Variants in MEGF11 observed in about 807,000 individuals in gnomAD.
MEGF11 encodes multiple EGF like domains 11.
A neutral mutation model predicts 146.6 loss-of-function variants in MEGF11; 126 were observed. The observed-to-expected ratio is 0.86, with a 90% CI of 0.74 to 1.00. The LOEUF (loss-of-function observed/expected upper bound fraction) is 1.00, where lower values mean the gene tolerates loss of function less well. MEGF11 is among the 50% of genes least tolerant of loss of function. The probability of loss-of-function intolerance (pLI) is 0.00; values close to 1 mark genes in which losing one functional copy is unlikely to be tolerated. For synonymous variants in MEGF11, 532 were observed against 583.4 expected, an observed-to-expected ratio of 0.91 and a Z score of 1.27; for missense variants, 1,509 against 1,521.2, an observed-to-expected ratio of 0.99 and a Z score of 0.13.
chr15:66,244,773 A>G (rs1477069193), intron 1 of MEGF11, among the ~76,000 whole-genome samples: 1 of 152,172 alleles, frequency 6.6e-6, no homozygotes, highest in Non-Finnish European at 1.5e-5. Flanking sequence ...TGAGGTGAAG[A>G]AAAAAGGGTG....
At chr15:66,204,482 T>C (rs1448715192) in intron 1 of MEGF11, among the ~76,000 whole-genome samples, 3 of 152,168 alleles carry the variant, frequency 2.0e-5, no homozygotes, top group Admixed American at 6.5e-5. Context: ...GTGATACCAG[T>C]AGCAAACCTA....
At chr15:66,235,730 A>G (rs1371162897) in intron 1 of MEGF11, among the ~76,000 whole-genome samples, 3 of 152,084 alleles carry the variant, frequency 2.0e-5, no homozygotes, top group African/African-American at 7.2e-5. Flanking sequence ...AGGATCCTGG[A>G]AGCGTCCCAA....
At chr15:66,175,171 A>T (rs1378503620) in intron 1 of MEGF11, among the ~76,000 whole-genome samples, 1 of 152,140 alleles carries the variant, frequency 6.6e-6, no homozygotes, top group East Asian at 1.9e-4. Context: ...CCTGTTTTCC[A>T]ATTTGGATGC....
intron 5 of MEGF11, among the ~76,000 whole-genome samples, chr15:66,083,317 T>C (rs2085974901): frequency 6.6e-6 from 1 of 152,270 alleles, no homozygotes. Context: ...CTTAAGGAAA[T>C]GTTTAAATTA....
In MEGF11 at chr15:66,230,104, C is replaced by T. The variant is rs144634662; in HGVS notation, c.-9+23501G>A. Among the ~76,000 whole-genome samples the T allele has an allele frequency of 3.9e-4, 59 of 152,272 alleles. 2 individuals are homozygous for T. The highest frequency in any genetic ancestry group is 1.3e-3 in the African/African-American group (53 of 41,556). On this transcript the variant is annotated intron_variant, in intron 1 of 25. Coordinates refer to ENST00000395614, the MANE Select transcript of MEGF11 (RefSeq NM_001385028.1). The stretch of plus-strand genomic sequence containing the variant: ...CACTAGGGTTTAGGCGGCTGTGTCC[C>T]GGAAAGGGCATCTCATCCCTCCAGC...
chr15:66,163,425 G>A (rs2090009251), intron 1 of MEGF11, among the ~76,000 whole-genome samples: 1 of 152,122 alleles, frequency 6.6e-6, no homozygotes, highest in Non-Finnish European at 1.5e-5. Context: ...GTGGAGGAGC[G>A]CTCCAGTGAT....
At chr15:65,965,722 G>A (rs2081070861) in intron 8 of MEGF11, among the ~76,000 whole-genome samples, 1 of 150,260 alleles carries the variant, frequency 6.7e-6, no homozygotes, top group Non-Finnish European at 1.5e-5. Flanking sequence ...CAAACCTGTC[G>A]GCCCCTTGAT....
intron 1 of MEGF11, among the ~76,000 whole-genome samples, chr15:66,186,294 G>C (rs922924288): frequency 1.3e-5 from 2 of 152,166 alleles, no homozygotes; most frequent in Admixed American, 1.3e-4. Context: ...TGGAAGAAGA[G>C]CAGTTTTTGG....
intron 1 of MEGF11, among the ~76,000 whole-genome samples, chr15:66,156,930 C>T (rs2089780177): frequency 6.6e-6 from 1 of 152,146 alleles, no homozygotes; most frequent in Admixed American, 6.5e-5. Flanking sequence ...TCCCACCGGC[C>T]TTGGAACCCT....
intron 1 of MEGF11, among the ~76,000 whole-genome samples, chr15:66,201,671 C>T (rs188434940): frequency 1.8e-4 from 27 of 151,228 alleles, no homozygotes; most frequent in Non-Finnish European, 3.7e-4. Context: ...TACGGTGGCT[C>T]ATGCCTGTAA....
At chr15:66,043,459 C>T (rs1331712144) in intron 5 of MEGF11, among the ~76,000 whole-genome samples, 1 of 152,274 alleles carries the variant, frequency 6.6e-6, no homozygotes, top group African/African-American at 2.4e-5. Flanking sequence ...TAATACCACA[C>T]TGCGTGGCCC....
intron 5 of MEGF11, among the ~76,000 whole-genome samples, chr15:66,072,627 T>A (rs529995293): frequency 6.6e-6 from 1 of 152,348 alleles, no homozygotes; most frequent in Non-Finnish European, 1.5e-5. Flanking sequence ...AATGAATGAA[T>A]GTAATCAGTG....
At chr15:66,116,921 G>C (rs971160100) in intron 4 of MEGF11, among the ~76,000 whole-genome samples, 4 of 152,200 alleles carry the variant, frequency 2.6e-5, no homozygotes, top group Admixed American at 2.6e-4. Context: ...GCCTGCCCAA[G>C]CCATCCAAGT....
intron 10 of MEGF11, among the ~76,000 whole-genome samples, chr15:65,955,115 T>C (rs1185750942): frequency 1.3e-5 from 2 of 152,190 alleles, no homozygotes; most frequent in Non-Finnish European, 2.9e-5. Context: ...GTCCTACAGC[T>C]ATGCTAGAAG....
intron 1 of MEGF11, among the ~76,000 whole-genome samples, chr15:66,163,754 C>T (rs2090018229): frequency 6.6e-6 from 1 of 152,224 alleles, no homozygotes; most frequent in South Asian, 2.1e-4. Context: ...TCCGTCCTGG[C>T]TGTGCAGTGC....
At chr15:66,058,602 G>T (rs1641021955) in intron 5 of MEGF11, among the ~76,000 whole-genome samples, 1 of 152,128 alleles carries the variant, frequency 6.6e-6, no homozygotes, top group Non-Finnish European at 1.5e-5. Context: ...ACTTCCCCCA[G>T]ATTCCCCCTC....
rs147796153 is a variant in MEGF11 at position 65,904,032 on chromosome 15, T to C, written c.3055+2053A>G. ...TCAGATATATGATTCTACACAATAG[T>C]AATGAAATGTATGCTGAGGCAGAGA... On this transcript the variant is annotated intron_variant, in intron 24 of 25. Transcript: ENST00000395614. 3.4e-3 allele frequency among the ~76,000 whole-genome samples: 520 copies of C among 152,342 alleles called. 2 individuals are homozygous for C. Among genetic ancestry groups the C allele is most frequent in the Middle Eastern group, 0.014 (4 of 294 alleles).
At chr15:65,961,675 T>C (rs1457245875) in intron 9 of MEGF11, among the ~76,000 whole-genome samples, 2 of 152,216 alleles carry the variant, frequency 1.3e-5, no homozygotes, top group Non-Finnish European at 2.9e-5. Flanking sequence ...TCAATCTCTG[T>C]GCAGCAGCCT....
rs1567145132 is a variant in MEGF11, at chr15:65,898,056, TA to T, written c.3300del (p.His1100GlnfsTer27). On this transcript the variant is annotated frameshift_variant, in exon 26 of 26. Transcript: ENST00000395614. LOFTEE classifies it high-confidence loss of function. ...TVSVVQEGCG[H>X]NSSYIQNAYD... ...TATGCATTCTGGATATAGCTGGAGT[TA>T]TGACCGCAACCTTCTTGGACCACAC... 1 of 1,613,972 alleles carries T rather than the reference TA, an allele frequency of 6.2e-7. No individual in the cohort carries two copies.
Sources: allele counts gnomAD v4.1 joint callset (sites outside exome capture counted in the v4.1 genomes callset), GRCh38; gene constraint gnomAD v4.1.1; transcripts MANE v1.5; gene names NCBI Gene and HGNC (gene_info 2026-07-23, HGNC 2026-07-21).